TMEM170B: variants seen among roughly 807,000 people sequenced by gnomAD.
TMEM170B encodes the protein transmembrane protein 170B.
Under a neutral mutation model 13.0 loss-of-function variants are expected in TMEM170B, and 6 were observed. The observed-to-expected ratio is 0.46, with a 90% CI of 0.25 to 0.91. The LOEUF (loss-of-function observed/expected upper bound fraction) is 0.91. Among genes scored for constraint, TMEM170B ranks in the 40% least tolerant of loss-of-function variants. TMEM170B has a pLI of 0.17. For synonymous variants in TMEM170B, 61 were observed against 64.9 expected (o/e 0.94, Z 0.29); for missense variants, 138 against 165.2 (o/e 0.84, Z 0.90).
chr6:11,564,970 C>T (rs1759715980), intron 1 of TMEM170B, among the ~76,000 whole-genome samples: 2 of 152,092 alleles, frequency 1.3e-5, no homozygotes, highest in South Asian at 4.2e-4. Context: ...GACTGGGAGG[C>T]AGTCGGGTGG....
In TMEM170B at chr6:11,580,703, A is replaced by T. The variant is rs534070612; in HGVS notation, c.*5142A>T. The T allele has an allele frequency of 3.9e-5, 6 of 152,346 alleles. No individual in the cohort carries two copies. The highest frequency in any genetic ancestry group is 7.4e-5 in the Non-Finnish European group (5 of 68,024). The allele number at this position is 152,346 out of a possible 1,614,324, so 9.4% of individuals were successfully genotyped here. A position where few individuals can be genotyped will look rare whatever the true frequency, so the allele number is the denominator to read the frequency against. ...ATCTTGGAAGAAGACTCTTCAGGAT[A>T]AAAAGGATATTATTTGATTAAAAAT... On this transcript the variant is annotated 3_prime_UTR_variant, in exon 3 of 3. Transcript: ENST00000379426.
intron 1 of TMEM170B, among the ~76,000 whole-genome samples, chr6:11,551,428 G>A (rs1160786246): frequency 6.6e-6 from 1 of 152,164 alleles, no homozygotes; most frequent in East Asian, 1.9e-4. Flanking sequence ...CAGTCTTAAA[G>A]GTGGGTATGG....
At chr6:11,551,819 G>C (rs1189534100) in intron 1 of TMEM170B, among the ~76,000 whole-genome samples, 1 of 152,186 alleles carries the variant, frequency 6.6e-6, no homozygotes, top group East Asian at 1.9e-4. Flanking sequence ...CCTGTTCATG[G>C]GAGGGTAGAG....
intron 1 of TMEM170B, among the ~76,000 whole-genome samples, chr6:11,562,087 T>C (rs1482538219): frequency 6.6e-6 from 1 of 152,180 alleles, no homozygotes; most frequent in Non-Finnish European, 1.5e-5. Context: ...GACTTTTGTA[T>C]TGAAGAGCCT....
chr6:11,562,217 A>G (rs1355195911), intron 1 of TMEM170B, among the ~76,000 whole-genome samples: 1 of 152,032 alleles, frequency 6.6e-6, no homozygotes, highest in Non-Finnish European at 1.5e-5. Flanking sequence ...TTCACTTAGG[A>G]AAACTGTATC....
Position 11,582,861 on chromosome 6 carries a change from ATAAAC to A in TMEM170B, c.*7303_*7307del, listed in dbSNP as rs1454222223. 1 of 152,212 alleles carries A rather than the reference ATAAAC, an allele frequency of 6.6e-6. No homozygotes were observed. Among genetic ancestry groups the A allele is most frequent in the African/African-American group, 2.4e-5 (1 of 41,468 alleles). The allele number at this position is 152,212 out of a possible 1,614,324, so 9.4% of individuals were successfully genotyped here. On this transcript the variant is annotated 3_prime_UTR_variant, in exon 3 of 3. Coordinates refer to ENST00000379426, the MANE Select transcript of TMEM170B (RefSeq NM_001100829.3). ...CACAATTTCCCCTTCTGTTAAGACT[ATAAAC>A]TATATGAGTATGTGTACTGCATGTT...
intron 1 of TMEM170B, among the ~76,000 whole-genome samples, chr6:11,564,543 A>G (rs1759709839): frequency 6.6e-6 from 1 of 152,238 alleles, no homozygotes; most frequent in Admixed American, 6.5e-5. Context: ...ACATCTAAAT[A>G]TTTTAGAGTC....
At chr6:11,546,197 C>T (rs536492564) in intron 1 of TMEM170B, among the ~76,000 whole-genome samples, 38 of 151,920 alleles carry the variant, frequency 2.5e-4, no homozygotes, top group Admixed American at 1.4e-3. Context: ...GATCCTGACC[C>T]TGTGTAGGCC....
At chr6:11,548,326 T>A (rs148756338) in intron 1 of TMEM170B, among the ~76,000 whole-genome samples, 2,914 of 152,144 alleles carry the variant, frequency 0.019, 74 homozygotes, top group African/African-American at 0.062. Flanking sequence ...CAAGAAAAAA[T>A]GCTCATCATC....
intron 1 of TMEM170B, among the ~76,000 whole-genome samples, chr6:11,549,666 A>C (rs544167388): frequency 6.6e-6 from 1 of 152,094 alleles, no homozygotes; most frequent in South Asian, 2.1e-4. Context: ...CCGTCTCAAA[A>C]AAAAAAAAAG....
chr6:11,551,948 T>G (rs2113767941), intron 1 of TMEM170B, among the ~76,000 whole-genome samples: 1 of 152,294 alleles, frequency 6.6e-6, no homozygotes, highest in South Asian at 2.1e-4. Flanking sequence ...GGATTTTCAT[T>G]ATACAGTTTT....
chr6:11,543,451 G>A (rs538479007), intron 1 of TMEM170B, among the ~76,000 whole-genome samples: 3 of 152,156 alleles, frequency 2.0e-5, no homozygotes, highest in South Asian at 4.1e-4. Context: ...TTTCTGTGTT[G>A]GGTATAATGC....
intron 1 of TMEM170B, among the ~76,000 whole-genome samples, chr6:11,563,350 A>G (rs570146744): frequency 1.3e-5 from 2 of 152,096 alleles, no homozygotes; most frequent in African/African-American, 4.8e-5. Flanking sequence ...CTCCTCCCTC[A>G]CACAGATCAC....
At chr6:11,572,399 AT>A (rs1159773318) in intron 2 of TMEM170B, among the ~76,000 whole-genome samples, 1 of 152,136 alleles carries the variant, frequency 6.6e-6, no homozygotes, top group Non-Finnish European at 1.5e-5. Context: ...TCCATAATAT[AT>A]TTATGCCCTG....
chr6:11,543,766 A>T (rs543954442), intron 1 of TMEM170B, among the ~76,000 whole-genome samples: 1 of 152,280 alleles, frequency 6.6e-6, no homozygotes, highest in African/African-American at 2.4e-5. Flanking sequence ...GATTAATTGG[A>T]TACCAAATGA....
intron 1 of TMEM170B, among the ~76,000 whole-genome samples, chr6:11,560,011 C>T (rs1052065899): frequency 1.2e-4 from 18 of 151,588 alleles, no homozygotes; most frequent in Admixed American, 3.3e-4. Context: ...TAATGACTTT[C>T]GGAGTTTTAA....
At chr6:11,551,851 T>C (rs530312013) in intron 1 of TMEM170B, among the ~76,000 whole-genome samples, 1 of 152,334 alleles carries the variant, frequency 6.6e-6, no homozygotes, top group East Asian at 1.9e-4. Flanking sequence ...GTGAACTGCC[T>C]ATGGGTTGGT....
At chr6:11,546,149 TG>T (rs139251215) in intron 1 of TMEM170B, among the ~76,000 whole-genome samples, 8,800 of 151,932 alleles carry the variant, frequency 0.058, 276 homozygotes, top group East Asian at 0.16. Flanking sequence ...AGACTTTCCA[TG>T]GGACAAAGTG....
chr6:11,557,932 C>G (rs1759611478), intron 1 of TMEM170B, among the ~76,000 whole-genome samples: 3 of 152,060 alleles, frequency 2.0e-5, no homozygotes, highest in African/African-American at 7.2e-5. Flanking sequence ...TTTAAAGTGA[C>G]AGGGTCTCAC....
Sources: allele counts gnomAD v4.1 joint callset (sites outside exome capture counted in the v4.1 genomes callset), GRCh38; gene constraint gnomAD v4.1.1; transcripts MANE v1.5; gene names NCBI Gene and HGNC (gene_info 2026-07-23, HGNC 2026-07-21).